Variants in TNNI3K observed in about 807,000 individuals in gnomAD.
TNNI3K encodes the protein serine/threonine-protein kinase TNNI3K.
TNNI3K carries 140 observed loss-of-function variants against 114.5 expected under a neutral mutation model. The ratio of observed to expected loss-of-function variants is 1.22; its 90% confidence interval spans 1.07 to 1.41. The LOEUF (loss-of-function observed/expected upper bound fraction) is 1.41, where lower values mean the gene tolerates loss of function less well. Among genes scored for constraint, TNNI3K ranks in the 40% most tolerant of loss-of-function variants. The pLI is 0.00. For synonymous variants in TNNI3K, 347 were observed against 347.5 expected (o/e 1.00, Z 0.02); for missense variants, 1,125 against 1,007.6 (o/e 1.12, Z -1.58).
intron 24 of TNNI3K, among the ~76,000 whole-genome samples, chr1:74,542,827 G>C (rs1284925766): frequency 1.3e-5 from 2 of 152,088 alleles, no homozygotes; most frequent in Non-Finnish European, 2.9e-5. Flanking sequence ...AAAGAAAACT[G>C]CTTCCCTGTA....
chr1:74,458,900 C>T (rs563279604), intron 20 of TNNI3K, among the ~76,000 whole-genome samples: 4 of 152,240 alleles, frequency 2.6e-5, no homozygotes, highest in African/African-American at 9.6e-5. Flanking sequence ...TTTCAACTTG[C>T]CCCTCTCTCT....
intron 21 of TNNI3K, among the ~76,000 whole-genome samples, chr1:74,488,898 G>T (rs1011327645): frequency 3.9e-5 from 6 of 152,108 alleles, no homozygotes; most frequent in Admixed American, 2.0e-4. Context: ...TTTTGAAGAG[G>T]AAACCTGCCA....
chr1:74,372,003 CA>C (rs1291284787), intron 17 of TNNI3K: 1 of 147,268 alleles, frequency 6.8e-6, no homozygotes, highest in Non-Finnish European at 1.5e-5. Flanking sequence ...TATTCAAGCT[CA>C]AAGCTTGAGG....
At chr1:74,480,625 A>G (rs1557595051) in intron 21 of TNNI3K, 3 of 717,290 alleles carry the variant, frequency 4.2e-6, no homozygotes, top group Non-Finnish European at 7.8e-6. Context: ...CTGTGAGATT[A>G]GTAATCTGAT....
rs562634145 is a variant in TNNI3K at position 74,523,380 on chromosome 1, AT to A, written c.2352-16846del. 7.2e-5 allele frequency among the ~76,000 whole-genome samples: 11 copies of A among 151,906 alleles called. No homozygotes were observed. In the East Asian group the frequency reaches 7.7e-4, roughly 11 times the overall value. On this transcript the variant is annotated intron_variant, in intron 23 of 24. Coordinates refer to ENST00000326637, the MANE Select transcript of TNNI3K (RefSeq NM_015978.3). ...ATACACATATCTAAGAGAACAAGCA[AT>A]TTTTTTTCCTTTATTGTGTTTGTGT...
chr1:74,421,315 G>A (rs779610042), intron 17 of TNNI3K, among the ~76,000 whole-genome samples: 33 of 152,130 alleles, frequency 2.2e-4, no homozygotes, highest in Non-Finnish European at 4.4e-4. Flanking sequence ...GGTGTTTACA[G>A]CCAAGTGGGC....
chr1:74,457,685 T>C (rs1458719907), intron 20 of TNNI3K, among the ~76,000 whole-genome samples: 2 of 152,194 alleles, frequency 1.3e-5, no homozygotes, highest in Non-Finnish European at 2.9e-5. Flanking sequence ...TGCTCTCTTT[T>C]TAATCTTTTT....
intron 14 of TNNI3K, 36 bp from the exon 15 acceptor site, chr1:74,369,171 A>G (rs773561056): frequency 1.2e-6 from 2 of 1,602,364 alleles, no homozygotes; most frequent in Non-Finnish European, 8.5e-7. Flanking sequence ...AGCTTAAGTT[A>G]ATATGTGTTT....
At chr1:74,307,706 CGTG>C (rs1360545688) in intron 5 of TNNI3K, among the ~76,000 whole-genome samples, 1 of 152,078 alleles carries the variant, frequency 6.6e-6, no homozygotes, top group African/African-American at 2.4e-5. Context: ...GACGGCCAGG[CGTG>C]GTGGCTTAAG....
At chr1:74,518,793 G>T (rs888962417) in intron 23 of TNNI3K, among the ~76,000 whole-genome samples, 1 of 150,328 alleles carries the variant, frequency 6.7e-6, no homozygotes, top group South Asian at 2.1e-4. Flanking sequence ...TTACAAATAT[G>T]GATTATTTAA....
intron 20 of TNNI3K, among the ~76,000 whole-genome samples, chr1:74,448,229 G>T (rs1276722456): frequency 9.3e-6 from 1 of 107,288 alleles, no homozygotes; most frequent in Non-Finnish European, 1.7e-5. Context: ...CCTGCACAAT[G>T]TGCACATGTA....
At chr1:74,434,591 C>T (rs1666040833) in intron 17 of TNNI3K, among the ~76,000 whole-genome samples, 1 of 151,158 alleles carries the variant, frequency 6.6e-6, no homozygotes, top group Admixed American at 6.6e-5. Context: ...CGTGTAGATG[C>T]AATTTTCTTA....
At chr1:74,244,389 G>A (rs566912675) in intron 2 of TNNI3K, among the ~76,000 whole-genome samples, 118 of 151,992 alleles carry the variant, frequency 7.8e-4, no homozygotes, top group African/African-American at 2.6e-3. Context: ...ACTTATAGAT[G>A]GTAAAGTCTA....
At chr1:74,442,053 T>C (rs1000966851) in intron 20 of TNNI3K, among the ~76,000 whole-genome samples, 3 of 152,068 alleles carry the variant, frequency 2.0e-5, no homozygotes, top group Non-Finnish European at 2.9e-5. Context: ...AACTTCCCCC[T>C]ATTTTTTTTA....
At chr1:74,490,167 G>C (rs1376154462) in intron 22 of TNNI3K, among the ~76,000 whole-genome samples, 2 of 151,772 alleles carry the variant, frequency 1.3e-5, no homozygotes, top group African/African-American at 4.8e-5. Flanking sequence ...CTCTTTGCTG[G>C]AATTTCTAAA....
Position 74,436,005 on chromosome 1 carries a change from C to T in TNNI3K, c.1773-75C>T. ...AACAAATGATGTCTATGGTCCTCTT[C>T]TTTGAGGGGCCAATTAGATTAGGAC... On this transcript the variant is annotated intron_variant, in intron 17 of 24. Transcript: ENST00000326637. The T allele has an allele frequency of 4.5e-6, 7 of 1,544,292 alleles. 1 individual carries two copies. Among genetic ancestry groups the T allele is most frequent in the Non-Finnish European group, 6.1e-6 (7 of 1,149,380 alleles).
chr1:74,465,243 C>G (rs749699606), intron 21 of TNNI3K, among the ~76,000 whole-genome samples: 1 of 152,152 alleles, frequency 6.6e-6, no homozygotes, highest in Non-Finnish European at 1.5e-5. Context: ...TGGCCGAGGC[C>G]GGAGCCCACT....
intron 2 of TNNI3K, among the ~76,000 whole-genome samples, chr1:74,248,177 T>C (rs487339): frequency 0.98 from 149,271 of 152,164 alleles, 73,285 homozygotes; most frequent in East Asian, 1. Context: ...TGCCCAGGGC[T>C]GGTGGCACCA....
Position 74,330,467 on chromosome 1 carries a change from A to G in TNNI3K, c.445-983A>G, listed in dbSNP as rs1660137344. The stretch of plus-strand genomic sequence containing the variant: ...ATTTACCTTCCCCCAATTTGTTGCC[A>G]GTAGAAGTTCAAAGTTATTTTTCTT... On this transcript the variant is annotated intron_variant, in intron 5 of 24. Transcript: ENST00000326637. Among the ~76,000 whole-genome samples, 4 of 152,144 alleles carry G rather than the reference A, an allele frequency of 2.6e-5. No homozygotes were observed. In the South Asian group the frequency reaches 8.3e-4, roughly 31 times the overall value.
Sources: gnomAD v4.1 joint callset for allele counts (sites outside exome capture counted in the v4.1 genomes callset) on GRCh38, gnomAD v4.1.1 for gene constraint, MANE v1.5 for transcripts, NCBI Gene and HGNC (gene_info 2026-07-23, HGNC 2026-07-21) for gene names.